The following KDELR1 variants were observed in gnomAD, a reference collection of about 807,000 sequenced individuals.
The protein encoded by KDELR1 is KDEL endoplasmic reticulum protein retention receptor 1.
A neutral mutation model predicts 25.5 loss-of-function variants in KDELR1; 16 were observed. The ratio of observed to expected loss-of-function variants is 0.63; its 90% CI spans 0.43 to 0.95. The LOEUF (loss-of-function observed/expected upper bound fraction) is 0.95. KDELR1 is among the 40% of genes least tolerant of loss of function. The pLI is 0.00. For missense variants in KDELR1, 159 were observed against 265.2 expected (o/e 0.60, Z 2.78); for synonymous variants, 121 against 115.0 (o/e 1.05, Z -0.33).
At chr19:48,391,685 C>A (rs1051422732), upstream of KDELR1, 13 of 387,048 alleles carry the variant, frequency 3.4e-5, no homozygotes, top group African/African-American at 2.5e-4. Flanking sequence ...CCCAAAGCTG[C>A]CCCATAGGAA....
At chr19:48,394,273 A>C (rs1970604738), upstream of KDELR1, among the ~76,000 whole-genome samples, 1 of 150,898 alleles carries the variant, frequency 6.6e-6, no homozygotes, top group Non-Finnish European at 1.5e-5. The surrounding 1 kb of genome is among the most constrained non-coding windows in gnomAD (Gnocchi z 5.1). Flanking sequence ...TGTGTGCGTG[A>C]GTGTATGTGT....
intron 4 of KDELR1, 67 bp from the exon 5 acceptor site, chr19:48,383,394 C>T (rs1446980606): frequency 2.1e-6 from 3 of 1,425,232 alleles, no homozygotes; most frequent in Non-Finnish European, 2.9e-6. Context: ...CAGCCTCCCA[C>T]AGCCAGAGCA....
At position 48,386,110 on chromosome 19, in the gene KDELR1, CT is replaced by C. The variant is rs558516450; in HGVS notation, c.352-1629del. 5.3e-3 allele frequency among the ~76,000 whole-genome samples: 728 copies of C among 138,310 alleles called. 1 individual carries two copies. The highest frequency in any genetic ancestry group is 9.9e-3 in the African/African-American group (376 of 37,950). 90.7% of individuals were successfully genotyped at this position (138,310 alleles called of 152,430 possible). A position where few individuals can be genotyped will look rare whatever the true frequency, so the allele number is the denominator to read the frequency against. On this transcript the variant is annotated intron_variant, in intron 3 of 4. Coordinates refer to ENST00000330720, the MANE Select transcript of KDELR1 (RefSeq NM_006801.3). Reference sequence around the variant, plus strand: ...TTAAAGAGAGACAGAAGGTCTGTTGCTTTTTTTTTTTTTTTTTCCTGAGGCC... The same window carrying C: ...TTAAAGAGAGACAGAAGGTCTGTTGCTTTTTTTTTTTTTTTTCCTGAGGCC...
At chr19:48,396,791 G>A in the KDELR1 span, among the ~76,000 whole-genome samples, 9 of 152,060 alleles carry the variant, frequency 5.9e-5, no homozygotes, top group Admixed American at 5.2e-4. Context: ...CTGGCTGTCT[G>A]TGGGGTGGAC....
chr19:48,383,213 TG>T lies in KDELR1; in HGVS notation c.*79del. The T allele has an allele frequency of 6.8e-7, 1 of 1,462,626 alleles. No homozygotes were observed. The highest frequency in any genetic ancestry group is 9.4e-7 in the Non-Finnish European group (1 of 1,066,576). The allele number at this position is 1,462,626 out of a possible 1,614,324, so 90.6% of individuals were successfully genotyped here. A position where few individuals can be genotyped will look rare whatever the true frequency, so the allele number is the denominator to read the frequency against. ...GGTGGGTTCTTAAAAAAGTCACCCC[TG>T]GATGGGAAAGCTCTTCATCTTCTGC... On this transcript the variant is annotated 3_prime_UTR_variant, in exon 5 of 5. Coordinates refer to ENST00000330720, the MANE Select transcript of KDELR1 (RefSeq NM_006801.3).
rs377519691 is a variant in KDELR1, at chr19:48,384,895, T to TC, written c.352-414_352-413insG. Among the ~76,000 whole-genome samples the TC allele has an allele frequency of 2.7e-3, 409 of 151,258 alleles. 4 individuals carry two copies. The highest frequency in any genetic ancestry group is 9.5e-3 in the African/African-American group (391 of 41,264). ...TTCCCTTCCTTTTTCTTTTTCTTTT[T>TC]TTTTTTTTTGAGATGGAGTATCACT... is the stretch of plus-strand genomic sequence containing the variant. On this transcript the variant is annotated intron_variant, in intron 3 of 4. Transcript: ENST00000330720. This position sits in a 1 kb window ranked among gnomAD's most constrained non-coding sequence, Gnocchi z 4.6.
chr19:48,384,222 C>G lies in KDELR1; in HGVS notation c.604+8G>C. ...GGTTCCCTTCCAGCCGTCCCACATT[C>G]CAGCTACCTTTGGTGATATAGAGGT... On this transcript the variant is annotated splice_region_variant and intron_variant, in intron 4 of 4. Transcript: ENST00000330720. The surrounding 1 kb of genome is among the most constrained non-coding windows in gnomAD (Gnocchi z 4.6). 6 of 1,612,740 alleles carry G rather than the reference C, an allele frequency of 3.7e-6. No homozygotes were observed. The highest frequency in any genetic ancestry group is 1.3e-5 in the African/African-American group (1 of 75,026).
At chr19:48,385,723 T>A (rs938145078) in intron 3 of KDELR1, among the ~76,000 whole-genome samples, 1 of 152,150 alleles carries the variant, frequency 6.6e-6, no homozygotes, top group Non-Finnish European at 1.5e-5. Context: ...TGTCTTGGTT[T>A]GTGGAAGGAA....
At position 48,390,372 on chromosome 19, in the gene KDELR1, A is replaced by G. The variant is rs1292818443; in HGVS notation, c.192+52T>C. 5 of 1,369,372 alleles carry G rather than the reference A, an allele frequency of 3.7e-6. No individual in the cohort carries two copies. The African/African-American group carries it at 7.2e-5, about 20-fold the overall frequency. 84.8% of individuals were successfully genotyped at this position (1,369,372 alleles called of 1,614,324 possible). A position where few individuals can be genotyped will look rare whatever the true frequency, so the allele number is the denominator to read the frequency against. On this transcript the variant is annotated intron_variant, in intron 2 of 4. Coordinates refer to ENST00000330720, the MANE Select transcript of KDELR1 (RefSeq NM_006801.3). ...TCAGACCTAGGAGTCTGGGACCCAC[A>G]CCCGGCTCCTCTGCCTCAGTGGGGG...
upstream of KDELR1, chr19:48,394,896 G>GC (rs541638515): frequency 9.0e-3 from 1,372 of 153,090 alleles, 11 homozygotes; most frequent in Non-Finnish European, 0.014. The surrounding 1 kb of genome is among the most constrained non-coding windows in gnomAD (Gnocchi z 5.1). Context: ...TCCGGTCCTG[G>GC]CCCCCCCGCC....
chr19:48,388,988 G>A (rs1316684122), intron 3 of KDELR1, among the ~76,000 whole-genome samples: 15 of 152,122 alleles, frequency 9.9e-5, no homozygotes, highest in Non-Finnish European at 2.1e-4. Context: ...CAAGAAGGCT[G>A]GGCCAGGAAT....
upstream of KDELR1, among the ~76,000 whole-genome samples, chr19:48,392,840 C>T (rs2147427029): frequency 6.6e-6 from 1 of 152,264 alleles, no homozygotes; most frequent in Non-Finnish European, 1.5e-5. Context: ...CCCCAGAGCC[C>T]CACGGGTGGC....
intron 3 of KDELR1, among the ~76,000 whole-genome samples, chr19:48,388,424 G>C (rs1215863581): frequency 1.3e-5 from 2 of 152,298 alleles, no homozygotes; most frequent in Admixed American, 6.5e-5. Context: ...GGTGGCTCAT[G>C]CCTGTAATCC....
Position 48,390,433 on chromosome 19 carries a change from C to G in KDELR1, c.183G>C (p.Thr61=), listed in dbSNP as rs770525117. The G allele has an allele frequency of 3.7e-6, 6 of 1,612,592 alleles. No homozygotes were observed. The highest frequency in any genetic ancestry group is 1.1e-5 in the South Asian group (1 of 91,058). ...LFTNYISLYN[T]CMKVVYIACS... ...GGGGTGGAGCCTCTACCTTCATACA[C>G]GTGTTGTAGAGTGAGATGTAGTTGG... is the stretch of plus-strand genomic sequence containing the variant. The change falls in exon 2 of 5, where the codon ACG becomes ACC. Residue 61 remains threonine, a synonymous_variant. Coordinates refer to ENST00000330720, the MANE Select transcript of KDELR1 (RefSeq NM_006801.3).
chr19:48,390,270 C>T, intron 2 of KDELR1, 154 bp downstream of exon 2: 2 of 567,704 alleles, frequency 3.5e-6, no homozygotes. Context: ...GTCCCTTCTT[C>T]CCTCAGACCC....
intron 2 of KDELR1, 24 bp downstream of exon 2, chr19:48,390,400 A>T: frequency 6.4e-7 from 1 of 1,560,920 alleles, no homozygotes; most frequent in Non-Finnish European, 8.8e-7. Context: ...AGTGGGGGCC[A>T]GAGAGGTGGG....
At chr19:48,395,553 C>G (rs1970629265), upstream of KDELR1, among the ~76,000 whole-genome samples, 1 of 151,888 alleles carries the variant, frequency 6.6e-6, no homozygotes, top group Admixed American at 6.6e-5. Flanking sequence ...CAGCACAACT[C>G]GAGGTTGTGG....
chr19:48,391,616 G>A (rs978801122), upstream of KDELR1: 3 of 495,996 alleles, frequency 6.0e-6, no homozygotes, highest in African/African-American at 3.9e-5. Context: ...GCGGGGCCTG[G>A]ATCCCCGGCG....
chr19:48,394,316 A>AG (rs142765034), upstream of KDELR1, among the ~76,000 whole-genome samples: 11 of 150,620 alleles, frequency 7.3e-5, no homozygotes, highest in Admixed American at 5.3e-4. This position sits in a 1 kb window ranked among gnomAD's most constrained non-coding sequence, Gnocchi z 5.1. Flanking sequence ...GGGGGAGTCA[A>AG]GGGGGGGTCT....
Sources: gnomAD v4.1 joint callset for allele counts (sites outside exome capture counted in the v4.1 genomes callset) on GRCh38, gnomAD v4.1.1 for gene constraint, Gnocchi (gnomAD v3.1) non-coding constraint, MANE v1.5 for transcripts, NCBI Gene and HGNC (gene_info 2026-07-23, HGNC 2026-07-21) for gene names.